Variants in RNF17 observed in about 807,000 individuals in gnomAD.
RNF17 encodes the protein spermatogenesis associated 23.
In RNF17, 31 loss-of-function variants were observed where a neutral mutation model predicts 200.5. The ratio of observed to expected loss-of-function variants is 0.15; its 90% CI spans 0.12 to 0.21. The LOEUF is 0.21. Among genes scored for constraint, RNF17 ranks in the 10% least tolerant of loss-of-function variants. The probability of loss-of-function intolerance (pLI) is 1.00; values close to 1 mark genes in which losing one functional copy is unlikely to be tolerated. For missense variants in RNF17, 1,628 were observed against 1,905.1 expected (o/e 0.85, Z 2.71); for synonymous variants, 606 against 637.8 (o/e 0.95, Z 0.75).
In RNF17 at chr13:24,844,544, G is replaced by T. The variant is rs1891034026; in HGVS notation, c.2832-108G>T. On this transcript the variant is annotated intron_variant, in intron 20 of 35. Transcript: ENST00000255324. ...TTGTACATTCAAGGAAGAACAAGGT[G>T]CCCAGCTTGGCTGGAGCGGAATGAG... 2.1e-5 allele frequency: 18 copies of T among 837,524 alleles called. No homozygotes were observed. In the South Asian group the frequency reaches 3.1e-4, roughly 15 times the overall value. 51.9% of individuals were successfully genotyped at this position (837,524 alleles called of 1,614,324 possible). A position where few individuals can be genotyped will look rare whatever the true frequency, so the allele number is the denominator to read the frequency against.
At chr13:24,773,197 C>T (rs889435357) in intron 2 of RNF17, among the ~76,000 whole-genome samples, 1 of 152,200 alleles carries the variant, frequency 6.6e-6, no homozygotes. Context: ...ACTTCCATTA[C>T]TGGGTATATA....
intron 32 of RNF17, among the ~76,000 whole-genome samples, chr13:24,873,154 GCCAAAGATGATGGC>G (rs765690467): frequency 6.6e-6 from 1 of 151,738 alleles, no homozygotes; most frequent in African/African-American, 2.4e-5. Context: ...TACATCCTTT[GCCAAAGATGATGGC>G]CCACGCTAGA....
intron 18 of RNF17, among the ~76,000 whole-genome samples, chr13:24,837,151 CG>C (rs1890098516): frequency 6.6e-6 from 1 of 152,010 alleles, no homozygotes; most frequent in Admixed American, 6.6e-5. Context: ...TAACGGTAGA[CG>C]GCCTTGTCCA....
intron 15 of RNF17, among the ~76,000 whole-genome samples, chr13:24,823,603 A>G (rs1221711360): frequency 1.3e-5 from 2 of 152,018 alleles, no homozygotes; most frequent in African/African-American, 2.4e-5. Context: ...TTTGGTGGGC[A>G]CTTCTTCACC....
intron 9 of RNF17, among the ~76,000 whole-genome samples, chr13:24,792,293 A>G (rs1422422545): frequency 6.6e-6 from 1 of 152,192 alleles, no homozygotes; most frequent in Admixed American, 6.5e-5. Context: ...TATAACCTGC[A>G]TGTACTGATT....
chr13:24,794,950 C>T (rs1016700842), intron 10 of RNF17, among the ~76,000 whole-genome samples: 1 of 152,156 alleles, frequency 6.6e-6, no homozygotes, highest in African/African-American at 2.4e-5. Flanking sequence ...AACTCCTGTC[C>T]TCAAGCGATC....
At chr13:24,786,486 A>C (rs1465697485) in intron 6 of RNF17, among the ~76,000 whole-genome samples, 1 of 152,168 alleles carries the variant, frequency 6.6e-6, no homozygotes, top group Non-Finnish European at 1.5e-5. Context: ...ATTTACCTTT[A>C]CCAGAGATAT....
chr13:24,813,475 T>G (rs1022226574), intron 15 of RNF17, among the ~76,000 whole-genome samples: 7 of 152,126 alleles, frequency 4.6e-5, no homozygotes, highest in Non-Finnish European at 8.8e-5. Flanking sequence ...TTTTTGTAAT[T>G]GGGTTGTTTA....
Position 24,789,242 on chromosome 13 carries a change from T to C in RNF17, c.784-106T>C, listed in dbSNP as rs979210180. 1.1e-5 allele frequency: 8 copies of C among 745,186 alleles called. No homozygotes were observed. In the African/African-American group the frequency reaches 1.4e-4, roughly 13 times the overall value. The allele number at this position is 745,186 out of a possible 1,614,324, so 46.2% of individuals were successfully genotyped here. A position where few individuals can be genotyped will look rare whatever the true frequency, so the allele number is the denominator to read the frequency against. On this transcript the variant is annotated intron_variant, in intron 7 of 35. Coordinates refer to ENST00000255324, the MANE Select transcript of RNF17 (RefSeq NM_031277.3). ...TGCCCCAAATTGAGCCTGAATGCAA[T>C]AATTAATGAAATACCTAAAAGATAC...
chr13:24,782,611 G>GGT (rs1373307385), intron 6 of RNF17, among the ~76,000 whole-genome samples: 1 of 150,862 alleles, frequency 6.6e-6, no homozygotes, highest in East Asian at 1.9e-4. Flanking sequence ...GAGATGGGGG[G>GGT]GGGATCTTTG....
At position 24,878,806 on chromosome 13, in the gene RNF17, C is replaced by T. The variant is rs115195869; in HGVS notation, c.4774-381C>T. Among the ~76,000 whole-genome samples, 574 of 151,712 alleles carry T rather than the reference C, an allele frequency of 3.8e-3. 7 individuals carry two copies. The highest frequency in any genetic ancestry group is 0.013 in the African/African-American group (539 of 40,986). On this transcript the variant is annotated intron_variant, in intron 34 of 35. Coordinates refer to ENST00000255324, the MANE Select transcript of RNF17 (RefSeq NM_031277.3). ...TCTGAAAACACCCTCACAGACACAC[C>T]TAGAAATGCTTCACCAGCCATTGAG...
intron 2 of RNF17, among the ~76,000 whole-genome samples, chr13:24,769,051 C>T (rs1456649066): frequency 4.5e-5 from 6 of 134,660 alleles, no homozygotes; most frequent in South Asian, 2.3e-4. Flanking sequence ...GTGGGTAAGA[C>T]GAAGTGAGCC....
chr13:24,768,636 A>G lies in RNF17; in HGVS notation c.225+1270A>G, dbSNP rs527372342. ...GATAAATCAGATGATAAGGCTTTGT[A>G]TCATTTGTTTTCTGTGGAAGTGTGG... On this transcript the variant is annotated intron_variant, in intron 2 of 35. Coordinates refer to ENST00000255324, the MANE Select transcript of RNF17 (RefSeq NM_031277.3). 7.2e-5 allele frequency among the ~76,000 whole-genome samples: 11 copies of G among 151,918 alleles called. No individual in the cohort carries two copies. The East Asian group carries it at 1.7e-3, about 24-fold the overall frequency.
At chr13:24,790,809 C>T (rs1883746417) in intron 9 of RNF17, among the ~76,000 whole-genome samples, 1 of 152,260 alleles carries the variant, frequency 6.6e-6, no homozygotes, top group African/African-American at 2.4e-5. Flanking sequence ...ACTATCTTCA[C>T]AAGGTGGAAG....
chr13:24,755,413 T>A, the RNF17 span, among the ~76,000 whole-genome samples: 1 of 152,192 alleles, frequency 6.6e-6, no homozygotes, highest in Non-Finnish European at 1.5e-5. Flanking sequence ...GGTAGCTTAT[T>A]CACACTGATT....
downstream of RNF17, chr13:24,882,528 C>T (rs1157787918): frequency 1.3e-5 from 2 of 152,684 alleles, no homozygotes; most frequent in Non-Finnish European, 2.9e-5. Flanking sequence ...TGGGTTAACA[C>T]TGGCTAGTCA....
intron 22 of RNF17, among the ~76,000 whole-genome samples, chr13:24,847,743 A>G (rs1171138667): frequency 6.6e-6 from 1 of 151,996 alleles, no homozygotes; most frequent in Non-Finnish European, 1.5e-5. Context: ...TTAATGACCC[A>G]TTTCTCTAAT....
intron 15 of RNF17, among the ~76,000 whole-genome samples, chr13:24,816,519 T>C (rs1887428542): frequency 6.6e-6 from 1 of 152,174 alleles, no homozygotes; most frequent in Non-Finnish European, 1.5e-5. Context: ...TTTACACATA[T>C]TTTCTTTAAA....
the RNF17 span, among the ~76,000 whole-genome samples, chr13:24,753,712 A>G: frequency 6.6e-6 from 1 of 152,376 alleles, no homozygotes; most frequent in African/African-American, 2.4e-5. Flanking sequence ...GGCTCTTAGC[A>G]GATAGTGAAA....
Sources: allele counts gnomAD v4.1 joint callset (sites outside exome capture counted in the v4.1 genomes callset), GRCh38; gene constraint gnomAD v4.1.1; transcripts MANE v1.5; gene names NCBI Gene and HGNC (gene_info 2026-07-23, HGNC 2026-07-21).